UNK: variants seen among roughly 807,000 people sequenced by gnomAD.
The protein encoded by UNK is RING finger protein unkempt homolog.
In UNK, 32 loss-of-function variants were observed where a neutral mutation model predicts 97.6. The ratio of observed to expected loss-of-function variants is 0.33; its 90% CI spans 0.25 to 0.44. The LOEUF (loss-of-function observed/expected upper bound fraction) is 0.44, where lower values mean the gene tolerates loss of function less well. Ranked by LOEUF, UNK falls within the 20% of genes least tolerant of loss-of-function variation. The pLI is 1.00. For synonymous variants in UNK, 441 were observed against 461.2 expected, an observed-to-expected ratio of 0.96 and a Z score of 0.56; for missense variants, 771 against 1,098.4, an observed-to-expected ratio of 0.70 and a Z score of 4.21.
At position 75,795,150 on chromosome 17, in the gene UNK, G is replaced by T. The variant is rs559452986; in HGVS notation, c.104+10166G>T. Among the ~76,000 whole-genome samples the T allele has an allele frequency of 5.3e-5, 8 of 152,164 alleles. No individual in the cohort carries two copies. In the South Asian group the frequency reaches 1.7e-3, roughly 32 times the overall value. ...CATACTGCTTGTATCTTACATGATG[G>T]ATGTGTGTTCTAAACTGACCCATGC... On this transcript the variant is annotated intron_variant, in intron 1 of 15. Coordinates refer to ENST00000589666, the MANE Select transcript of UNK (RefSeq NM_001080419.3).
intron 14 of UNK, 67 bp downstream of exon 14, chr17:75,822,725 A>G: frequency 6.8e-7 from 1 of 1,466,138 alleles, no homozygotes; most frequent in East Asian, 2.6e-5. Context: ...ACCTTCCTTC[A>G]CAGAGTGGGC....
chr17:75,818,013 C>A lies in UNK; in HGVS notation c.1306-90C>A. On this transcript the variant is annotated intron_variant, in intron 9 of 15. Coordinates refer to ENST00000589666, the MANE Select transcript of UNK (RefSeq NM_001080419.3). The surrounding 1 kb of genome is among the most constrained non-coding windows in gnomAD (Gnocchi z 5.1). ...AGAGGGGTTGCATGTCTGCCACCAC[C>A]TGCCCCCTGGTACCTGCAGCCTCAG... The A allele has an allele frequency of 7.6e-7, 1 of 1,319,548 alleles. No homozygotes were observed. The highest frequency in any genetic ancestry group is 1.1e-6 in the Non-Finnish European group (1 of 922,624). 81.7% of individuals were successfully genotyped at this position (1,319,548 alleles called of 1,614,324 possible). A position where few individuals can be genotyped will look rare whatever the true frequency, so the allele number is the denominator to read the frequency against.
Position 75,819,902 on chromosome 17 carries a change from C to T in UNK, c.1649-18C>T, listed in dbSNP as rs1167808740. 1.2e-6 allele frequency: 2 copies of T among 1,604,314 alleles called. No individual in the cohort carries two copies. The highest frequency in any genetic ancestry group is 2.2e-5 in the East Asian group (1 of 44,620). ...CGCTGCCCTCACCCAGCCCGTCCTC[C>T]CCGGGCCTCTCTTGCAGGCGGCAGC... On this transcript the variant is annotated intron_variant, in intron 12 of 15. Transcript: ENST00000589666. This position sits in a 1 kb window ranked among gnomAD's most constrained non-coding sequence, Gnocchi z 5.4.
At chr17:75,808,653 A>T (rs2061940702) in intron 1 of UNK, among the ~76,000 whole-genome samples, 1 of 151,536 alleles carries the variant, frequency 6.6e-6, no homozygotes, top group Non-Finnish European at 1.5e-5. Flanking sequence ...TGTTCCCTTC[A>T]TGCTTCTTTC....
At chr17:75,812,319 A>G (rs1455302922) in intron 3 of UNK, 31 bp downstream of exon 3, 2 of 1,596,512 alleles carry the variant, frequency 1.3e-6, no homozygotes, top group South Asian at 2.2e-5. Context: ...GGCTGATGGC[A>G]GTAGGCTGGG....
chr17:75,807,513 T>C (rs562306460), intron 1 of UNK, among the ~76,000 whole-genome samples: 87 of 152,374 alleles, frequency 5.7e-4, no homozygotes, highest in Non-Finnish European at 1.1e-3. Context: ...TGGAGTGCAA[T>C]GGCACGATCT....
intron 1 of UNK, among the ~76,000 whole-genome samples, chr17:75,804,197 T>C (rs2143740040): frequency 6.6e-6 from 1 of 152,372 alleles, no homozygotes; most frequent in South Asian, 2.1e-4. Flanking sequence ...CTTATGCCTA[T>C]AATCCCAGCA....
intron 1 of UNK, among the ~76,000 whole-genome samples, chr17:75,786,732 C>G (rs2061715253): frequency 6.6e-6 from 1 of 152,172 alleles, no homozygotes; most frequent in South Asian, 2.1e-4. Context: ...TGGCGGGCGC[C>G]TGTAATCCCA....
intron 1 of UNK, among the ~76,000 whole-genome samples, chr17:75,795,992 C>T (rs779707378): frequency 2.0e-5 from 3 of 152,164 alleles, no homozygotes; most frequent in Non-Finnish European, 4.4e-5. Context: ...GTGCCCGTAG[C>T]ACTTGAACTG....
intron 7 of UNK, 35 bp downstream of exon 7, chr17:75,815,288 C>T (rs1355665629): frequency 6.3e-7 from 1 of 1,580,382 alleles, no homozygotes; most frequent in South Asian, 1.1e-5. Flanking sequence ...GCAGTGCCCT[C>T]TCCCACCCCT....
At chr17:75,822,074 C>T (rs756065760) in intron 13 of UNK, among the ~76,000 whole-genome samples, 11 of 152,212 alleles carry the variant, frequency 7.2e-5, no homozygotes, top group Non-Finnish European at 1.5e-4. Context: ...CTTCCTGGGC[C>T]TCACATCAGG....
chr17:75,817,265 T>C lies in UNK; in HGVS notation c.1105-61T>C, dbSNP rs2143806172. The C allele has an allele frequency of 6.8e-7, 1 of 1,480,730 alleles. No homozygotes were observed. The highest frequency in any genetic ancestry group is 9.0e-7 in the Non-Finnish European group (1 of 1,108,870). The allele number at this position is 1,480,730 out of a possible 1,614,324, so 91.7% of individuals were successfully genotyped here. A position where few individuals can be genotyped will look rare whatever the true frequency, so the allele number is the denominator to read the frequency against. ...GACTCCCTCTGGAGAGGGTGGAGGATGGGCCACGCACCAGCCTGCGCTGTG... is the reference window on the plus strand; with the variant it reads ...GACTCCCTCTGGAGAGGGTGGAGGACGGGCCACGCACCAGCCTGCGCTGTG... On this transcript the variant is annotated intron_variant, in intron 8 of 15. Transcript: ENST00000589666. The surrounding 1 kb of genome is among the most constrained non-coding windows in gnomAD (Gnocchi z 5.8).
In UNK at chr17:75,818,808, C is replaced by T. The variant is rs1276672204; in HGVS notation, c.1538C>T (p.Ser513Leu). ...TACCCCACCAGCGACACGGTAGAGTCAGTCATAGGTAACTAGGCCATTTCT... is the reference window on the plus strand; with the variant it reads ...TACCCCACCAGCGACACGGTAGAGTTAGTCATAGGTAACTAGGCCATTTCT... ...PFYPTSDTVESVIESALDDLD... is the reference protein window; with the variant it reads ...PFYPTSDTVELVIESALDDLD... Residue 513 changes from serine to leucine, a missense_variant, in exon 11 of 16, where the codon TCA (serine) becomes TTA (leucine). By Grantham distance (145) the Ser-to-Leu change is moderately radical (BLOSUM62 -2). Coordinates refer to ENST00000589666, the MANE Select transcript of UNK (RefSeq NM_001080419.3). This position sits in a 1 kb window ranked among gnomAD's most constrained non-coding sequence, Gnocchi z 5.1. 1 of 1,603,374 alleles carries T rather than the reference C, an allele frequency of 6.2e-7. No individual in the cohort carries two copies. The highest frequency in any genetic ancestry group is 8.5e-7 in the Non-Finnish European group (1 of 1,174,602).
At chr17:75,815,362 G>A in intron 7 of UNK, 109 bp downstream of exon 7, 1 of 1,001,406 alleles carries the variant, frequency 1.0e-6, no homozygotes, top group Non-Finnish European at 1.5e-6. Flanking sequence ...CTGCACAGGA[G>A]TTCTGGCCTG....
intron 1 of UNK, chr17:75,791,862 G>T (rs2061766406): frequency 1.0e-6 from 1 of 985,412 alleles, no homozygotes; most frequent in African/African-American, 1.7e-5. Context: ...GGTGAGGGCA[G>T]CTGGACAACT....
At chr17:75,822,060 A>G (rs147138216) in intron 13 of UNK, among the ~76,000 whole-genome samples, 2 of 152,022 alleles carry the variant, frequency 1.3e-5, no homozygotes, top group African/African-American at 4.8e-5. Flanking sequence ...TTTCCCCTTT[A>G]TCTCTTCCTG....
intron 1 of UNK, among the ~76,000 whole-genome samples, chr17:75,809,201 C>T (rs981337063): frequency 6.6e-5 from 10 of 152,132 alleles, no homozygotes; most frequent in African/African-American, 2.4e-4. Context: ...GGCGGGCAGA[C>T]AGGACGGTAA....
rs2062028746 is a variant in UNK at position 75,817,560 on chromosome 17, C to T, written c.1305+34C>T. The T allele has an allele frequency of 2.6e-6, 4 of 1,558,194 alleles. No homozygotes were observed. The South Asian group carries it at 3.5e-5, about 14-fold the overall frequency. On this transcript the variant is annotated intron_variant, in intron 9 of 15. Coordinates refer to ENST00000589666, the MANE Select transcript of UNK (RefSeq NM_001080419.3). The surrounding 1 kb of genome is among the most constrained non-coding windows in gnomAD (Gnocchi z 5.8). ...TGAGGGAGGCAGCAGTGAGGTTAGC[C>T]TTCTCCTGCGTGGGGCAAGAGAATC...
chr17:75,794,638 C>CA (rs57508407), intron 1 of UNK, among the ~76,000 whole-genome samples: 25,371 of 123,246 alleles, frequency 0.21, 2,840 homozygotes, highest in African/African-American at 0.35. Flanking sequence ...AACTCCGTCT[C>CA]AAAAAAAAAA....
Sources: gnomAD v4.1 joint callset for allele counts (sites outside exome capture counted in the v4.1 genomes callset) on GRCh38, gnomAD v4.1.1 for gene constraint, Gnocchi (gnomAD v3.1) non-coding constraint, MANE v1.5 for transcripts, NCBI Gene and HGNC (gene_info 2026-07-23, HGNC 2026-07-21) for gene names.